Variants in DCC observed in about 807,000 individuals in gnomAD.
DCC encodes DCC netrin 1 receptor, also known as netrin receptor DCC.
Under a neutral mutation model 172.5 loss-of-function variants are expected in DCC, and 58 were observed. The ratio of observed to expected loss-of-function variants is 0.34; its 90% CI spans 0.27 to 0.42. The LOEUF (loss-of-function observed/expected upper bound fraction) is 0.42. Ranked by LOEUF, DCC falls within the 10% of genes least tolerant of loss-of-function variation. The probability of loss-of-function intolerance (pLI) is 1.00; values close to 1 mark genes in which losing one functional copy is unlikely to be tolerated. For synonymous variants in DCC, 709 were observed against 644.5 expected (o/e 1.10, Z -1.52); for missense variants, 1,740 against 1,791.0 (o/e 0.97, Z 0.51).
intron 12 of DCC, among the ~76,000 whole-genome samples, chr18:53,251,973 G>A (rs1296007888): frequency 6.6e-6 from 1 of 151,796 alleles, no homozygotes; most frequent in Non-Finnish European, 1.5e-5. Flanking sequence ...ACCCCACTGG[G>A]CTGGATCTAG....
chr18:53,058,742 G>A (rs2042451675), intron 5 of DCC, among the ~76,000 whole-genome samples: 1 of 152,134 alleles, frequency 6.6e-6, no homozygotes, highest in African/African-American at 2.4e-5. Flanking sequence ...CACTTCCACT[G>A]AGAAGTCACA....
chr18:53,318,848 A>C (rs1354060693), intron 13 of DCC, among the ~76,000 whole-genome samples: 1 of 151,644 alleles, frequency 6.6e-6, no homozygotes, highest in Non-Finnish European at 1.5e-5. Context: ...AAAGATGTTA[A>C]GGGCAGCCAG....
intron 12 of DCC, among the ~76,000 whole-genome samples, chr18:53,258,665 G>A (rs1027755349): frequency 3.3e-5 from 5 of 152,198 alleles, no homozygotes; most frequent in African/African-American, 1.2e-4. Flanking sequence ...GTGTGGTGTT[G>A]TGCTGAAAAG....
chr18:52,643,872 T>A (rs527950981), intron 1 of DCC, among the ~76,000 whole-genome samples: 8 of 152,208 alleles, frequency 5.3e-5, no homozygotes, highest in Non-Finnish European at 5.9e-5. Context: ...CTGACAAGTA[T>A]AGAGTACCTT....
At chr18:52,822,656 T>C (rs960089626) in intron 2 of DCC, among the ~76,000 whole-genome samples, 1 of 152,232 alleles carries the variant, frequency 6.6e-6, no homozygotes, top group African/African-American at 2.4e-5. Flanking sequence ...TCCACAGTTT[T>C]AATGAAATCA....
Position 53,063,265 on chromosome 18 carries a change from C to G in DCC, c.986-40C>G, listed in dbSNP as rs754111818. The G allele has an allele frequency of 1.1e-5, 17 of 1,606,556 alleles. No homozygotes were observed. The African/African-American group carries it at 2.3e-4, about 22-fold the overall frequency. On this transcript the variant is annotated intron_variant, in intron 5 of 28. Transcript: ENST00000442544. ...ACCTCAGCAGCATGCAAGTTCACAT[C>G]CCCACCCACTCACTCACTTTTTTTT...
At chr18:53,258,453 C>T (rs1242172960) in intron 12 of DCC, among the ~76,000 whole-genome samples, 2 of 151,974 alleles carry the variant, frequency 1.3e-5, no homozygotes, top group African/African-American at 2.4e-5. Context: ...TTATTTCTGC[C>T]TTCATTTCGT....
At chr18:53,186,220 C>T (rs2055280742) in intron 9 of DCC, among the ~76,000 whole-genome samples, 1 of 152,104 alleles carries the variant, frequency 6.6e-6, no homozygotes, top group Non-Finnish European at 1.5e-5. Flanking sequence ...CATAGATAGA[C>T]ATAAGGGAGT....
At chr18:53,393,514 CAT>C (rs1371738104) in intron 17 of DCC, among the ~76,000 whole-genome samples, 2 of 152,126 alleles carry the variant, frequency 1.3e-5, no homozygotes, top group Non-Finnish European at 2.9e-5. Flanking sequence ...ACCAATGAAA[CAT>C]ATGAGACCAT....
chr18:52,865,567 G>C (rs954105069), intron 2 of DCC, among the ~76,000 whole-genome samples: 1 of 150,826 alleles, frequency 6.6e-6, no homozygotes, highest in Non-Finnish European at 1.5e-5. Flanking sequence ...TTGTGGTTTT[G>C]ATTAGTATTT....
intron 2 of DCC, among the ~76,000 whole-genome samples, chr18:52,873,864 A>G (rs1343198848): frequency 6.6e-6 from 1 of 152,230 alleles, no homozygotes; most frequent in Non-Finnish European, 1.5e-5. Flanking sequence ...ATTGTCCCTC[A>G]GTTCAAAATC....
At chr18:52,581,099 T>A (rs1040270625) in intron 1 of DCC, among the ~76,000 whole-genome samples, 2 of 152,112 alleles carry the variant, frequency 1.3e-5, no homozygotes, top group Non-Finnish European at 2.9e-5. Flanking sequence ...ATAACTTACA[T>A]ACAGATTTAG....
chr18:52,817,926 T>G (rs931609897), intron 2 of DCC, among the ~76,000 whole-genome samples: 2 of 152,204 alleles, frequency 1.3e-5, no homozygotes, highest in Admixed American at 6.5e-5. Context: ...CTTTGCATAC[T>G]ATGCTAAGTG....
chr18:53,111,853 AT>A (rs2043337949), intron 7 of DCC, among the ~76,000 whole-genome samples: 2 of 151,812 alleles, frequency 1.3e-5, no homozygotes, highest in South Asian at 4.1e-4. Context: ...CATGTTAGAT[AT>A]TTTAGTTGTT....
chr18:52,422,148 CAAAA>C (rs1196117134), intron 1 of DCC, among the ~76,000 whole-genome samples: 1 of 151,890 alleles, frequency 6.6e-6, no homozygotes, highest in Non-Finnish European at 1.5e-5. Context: ...AAGGGATTAA[CAAAA>C]AGAAAAGTGA....
At chr18:52,968,846 G>C (rs1017697118) in intron 5 of DCC, among the ~76,000 whole-genome samples, 1 of 151,898 alleles carries the variant, frequency 6.6e-6, no homozygotes. Context: ...CAGTTTTTGT[G>C]ATATACTAAA....
intron 12 of DCC, among the ~76,000 whole-genome samples, chr18:53,267,161 GAGAGAC>G (rs1346070396): frequency 5.3e-5 from 8 of 151,856 alleles, no homozygotes; most frequent in African/African-American, 1.2e-4. Context: ...GAGAGAGAGA[GAGAGAC>G]AGAGACAGAG....
intron 5 of DCC, among the ~76,000 whole-genome samples, chr18:53,003,413 A>AT (rs1458489665): frequency 2.7e-5 from 4 of 147,850 alleles, no homozygotes; most frequent in African/African-American, 7.5e-5. Context: ...AAGGGGAGAG[A>AT]TTTTGGTTGG....
chr18:53,484,144 A>T (rs1356859807), intron 25 of DCC, among the ~76,000 whole-genome samples: 2 of 151,844 alleles, frequency 1.3e-5, no homozygotes, highest in African/African-American at 4.8e-5. Context: ...GTTATTTTTG[A>T]TAATTTTTCA....
Sources: gnomAD v4.1 joint callset for allele counts (sites outside exome capture counted in the v4.1 genomes callset) on GRCh38, gnomAD v4.1.1 for gene constraint, MANE v1.5 for transcripts, NCBI Gene and HGNC (gene_info 2026-07-23, HGNC 2026-07-21) for gene names.